MACROD2: variants seen among roughly 807,000 people sequenced by gnomAD.
The protein encoded by MACROD2 is mono-ADP ribosylhydrolase 2, also known as ADP-ribose glycohydrolase MACROD2.
Under a neutral mutation model 70.4 loss-of-function variants are expected in MACROD2, and 36 were observed. The ratio of observed to expected loss-of-function variants is 0.51; its 90% CI spans 0.39 to 0.68. MACROD2 has a LOEUF of 0.68. Ranked by LOEUF, MACROD2 falls within the 30% of genes least tolerant of loss-of-function variation. The pLI is 0.00. For synonymous variants in MACROD2, 172 were observed against 178.8 expected (o/e 0.96, Z 0.30); for missense variants, 496 against 538.4 (o/e 0.92, Z 0.78).
intron 2 of MACROD2, among the ~76,000 whole-genome samples, chr20:14,065,347 A>G (rs2053743247): frequency 6.6e-6 from 1 of 152,156 alleles, no homozygotes; most frequent in South Asian, 2.1e-4. Flanking sequence ...ATATTTGCTC[A>G]CCTAATTTTT....
chr20:14,415,619 A>G (rs1600216809), intron 3 of MACROD2, among the ~76,000 whole-genome samples: 1 of 152,308 alleles, frequency 6.6e-6, no homozygotes, highest in African/African-American at 2.4e-5. Context: ...GTGGAGATTT[A>G]CATTCAGGGG....
At position 15,230,031 on chromosome 20, in the gene MACROD2, G is replaced by A; in HGVS notation, c.510G>A (p.Lys170=). ...DLANCYKSSL[K]LVKENNIRSV... ...CAAATTGCTATAAATCATCTCTGAA[G>A]CTCGTGAAAGAAAATAACATCCGAT... Residue 170 remains lysine, a synonymous_variant, in exon 6 of 18, where the codon AAG becomes AAA. Coordinates refer to ENST00000684519, the MANE Select transcript of MACROD2 (RefSeq NM_001351661.2). 6.2e-7 allele frequency: 1 copy of A among 1,613,468 alleles called. No homozygotes were observed. The highest frequency in any genetic ancestry group is 8.5e-7 in the Non-Finnish European group (1 of 1,179,690).
intron 3 of MACROD2, among the ~76,000 whole-genome samples, chr20:14,251,339 CTT>C (rs2082010931): frequency 6.6e-6 from 1 of 152,094 alleles, no homozygotes; most frequent in African/African-American, 2.4e-5. Flanking sequence ...TCTGTGTACT[CTT>C]AATGAATTGT....
At chr20:15,313,506 C>CAA (rs11314563) in intron 6 of MACROD2, among the ~76,000 whole-genome samples, 109 of 86,108 alleles carry the variant, frequency 1.3e-3, no homozygotes, top group African/African-American at 1.8e-3. Flanking sequence ...GACTCCGTCT[C>CAA]AAAAAAAAAA....
At chr20:15,444,608 A>T (rs192438335) in intron 7 of MACROD2, among the ~76,000 whole-genome samples, 1 of 152,180 alleles carries the variant, frequency 6.6e-6, no homozygotes. Context: ...GAGTTCTCTT[A>T]GAGTACCAAA....
chr20:14,936,221 G>A (rs1600847637), intron 5 of MACROD2, among the ~76,000 whole-genome samples: 1 of 152,158 alleles, frequency 6.6e-6, no homozygotes, highest in Non-Finnish European at 1.5e-5. Context: ...AAAACTGAAG[G>A]TCAAGAAGGA....
chr20:15,230,190 C>T, intron 6 of MACROD2, 129 bp downstream of exon 6: 1 of 780,328 alleles, frequency 1.3e-6, no homozygotes, highest in Non-Finnish European at 1.9e-6. Flanking sequence ...ATCTTAGTAG[C>T]CGATTTGGTT....
intron 10 of MACROD2, among the ~76,000 whole-genome samples, chr20:15,921,450 A>G (rs183783418): frequency 1.5e-4 from 23 of 152,328 alleles, no homozygotes; most frequent in African/African-American, 4.8e-4. Flanking sequence ...CCTTTCTCAC[A>G]TAAGAGTTCC....
intron 8 of MACROD2, among the ~76,000 whole-genome samples, chr20:15,776,192 C>T (rs1483770223): frequency 6.6e-6 from 1 of 152,182 alleles, no homozygotes; most frequent in Non-Finnish European, 1.5e-5. Context: ...CTACTTCTTT[C>T]GGCAGTAACA....
At chr20:15,134,155 C>CT (rs1382110294) in intron 5 of MACROD2, among the ~76,000 whole-genome samples, 24 of 104 alleles carry the variant, frequency 0.23, no homozygotes, top group Admixed American at 0.33. Context: ...ATCCTCCCGC[C>CT]TCGCCTCCCA....
intron 3 of MACROD2, among the ~76,000 whole-genome samples, chr20:14,383,083 T>C (rs992088): frequency 0.28 from 42,312 of 152,082 alleles, 6,934 homozygotes; most frequent in East Asian, 0.57. Flanking sequence ...CAAGAGGATG[T>C]AAGAATTGGA....
intron 8 of MACROD2, among the ~76,000 whole-genome samples, chr20:15,766,726 G>A (rs6110771): frequency 0.07 from 10,604 of 152,242 alleles, 743 homozygotes; most frequent in African/African-American, 0.18. Context: ...TGTGGAATTT[G>A]CAACAATTCT....
At chr20:15,204,399 C>A (rs1459939531) in intron 5 of MACROD2, among the ~76,000 whole-genome samples, 1 of 152,096 alleles carries the variant, frequency 6.6e-6, no homozygotes, top group Non-Finnish European at 1.5e-5. Flanking sequence ...TCTAATAGGT[C>A]TAATTGCATA....
At chr20:14,069,289 A>G (rs1013435042) in intron 2 of MACROD2, among the ~76,000 whole-genome samples, 45 of 152,288 alleles carry the variant, frequency 3.0e-4, no homozygotes, top group African/African-American at 8.4e-4. Context: ...TTTAGTATTT[A>G]AAAATCAGGG....
intron 5 of MACROD2, among the ~76,000 whole-genome samples, chr20:15,196,300 AAATAT>A (rs1478079196): frequency 6.6e-6 from 1 of 152,202 alleles, no homozygotes; most frequent in Non-Finnish European, 1.5e-5. Context: ...AAAAAACTAA[AAATAT>A]AACATACAAA....
intron 6 of MACROD2, among the ~76,000 whole-genome samples, chr20:15,261,680 A>G (rs189585338): frequency 1.3e-5 from 2 of 152,150 alleles, no homozygotes; most frequent in African/African-American, 4.8e-5. Flanking sequence ...GTTTGTATAG[A>G]ACAATTAGCT....
chr20:14,050,602 A>G (rs1569135293), intron 2 of MACROD2, among the ~76,000 whole-genome samples: 1 of 152,100 alleles, frequency 6.6e-6, no homozygotes, highest in Non-Finnish European at 1.5e-5. Flanking sequence ...AACAGTGCAA[A>G]ACAGAAAGTG....
intron 8 of MACROD2, among the ~76,000 whole-genome samples, chr20:15,707,386 A>G (rs917625648): frequency 1.3e-5 from 2 of 152,186 alleles, no homozygotes; most frequent in South Asian, 2.1e-4. Context: ...TCATGCCTCT[A>G]TAGTATACCA....
intron 4 of MACROD2, among the ~76,000 whole-genome samples, chr20:14,495,501 C>G (rs954039265): frequency 4.6e-5 from 7 of 152,136 alleles, no homozygotes; most frequent in African/African-American, 1.7e-4. Flanking sequence ...TTCCAAGAAG[C>G]AATGCACTCA....
Sources: allele counts gnomAD v4.1 joint callset (sites outside exome capture counted in the v4.1 genomes callset), GRCh38; gene constraint gnomAD v4.1.1; transcripts MANE v1.5; gene names NCBI Gene and HGNC (gene_info 2026-07-23, HGNC 2026-07-21).